OR56A3: variants seen among roughly 807,000 people sequenced by gnomAD.
OR56A3 encodes the protein olfactory receptor family 56 subfamily A member 3.
Under a neutral mutation model 17.5 loss-of-function variants are expected in OR56A3, and 23 were observed. The observed-to-expected ratio is 1.32, with a 90% CI of 0.95 to 1.87. The LOEUF (loss-of-function observed/expected upper bound fraction) is 1.87. Ranked by LOEUF, OR56A3 falls within the 40% of genes most tolerant of loss-of-function variation. The probability of loss-of-function intolerance (pLI) is 0.00; values close to 1 mark genes in which losing one functional copy is unlikely to be tolerated. For missense variants in OR56A3, 366 were observed against 380.1 expected (o/e 0.96, Z 0.31); for synonymous variants, 175 against 150.6 (o/e 1.16, Z -1.19).
At chr11:5,978,652 C>A in the OR56A3 span, among the ~76,000 whole-genome samples, 1 of 151,806 alleles carries the variant, frequency 6.6e-6, no homozygotes, top group Non-Finnish European at 1.5e-5. Flanking sequence ...AGAATGGTAT[C>A]TTCTGTGAAG....
chr11:5,948,073 A>C lies in OR56A3; in HGVS notation c.727A>C (p.Ser243Arg), dbSNP rs1248629334. Residue 243 changes from serine to arginine, a missense_variant, in exon 3 of 3, where the codon AGC becomes CGC. By Grantham distance (110) the Ser-to-Arg change is moderately radical. Coordinates refer to ENST00000641160, the MANE Select transcript of OR56A3 (RefSeq NM_001003443.3). ...KAEGAVAKAL[S>R]TCGSHFMLIL... Reference sequence around the variant, plus strand: ...AGAGGGTGCCGTGGCAAAGGCCCTAAGCACATGTGGCTCCCACTTCATGCT... The same window carrying C: ...AGAGGGTGCCGTGGCAAAGGCCCTACGCACATGTGGCTCCCACTTCATGCT... The C allele has an allele frequency of 6.2e-7, 1 of 1,614,218 alleles. No individual in the cohort carries two copies. Among genetic ancestry groups the C allele is most frequent in the Non-Finnish European group, 8.5e-7 (1 of 1,180,044 alleles).
chr11:5,985,973 G>A, the OR56A3 span: 148 of 1,610,950 alleles, frequency 9.2e-5, no homozygotes, highest in Middle Eastern at 3.3e-4. Context: ...CTGAGCACTC[G>A]CTGGCGGATC....
At chr11:5,970,616 T>C in the OR56A3 span, among the ~76,000 whole-genome samples, 1 of 151,560 alleles carries the variant, frequency 6.6e-6, no homozygotes, top group African/African-American at 2.4e-5. Context: ...GATTTTTTTT[T>C]ACAAAAAGCA....
the OR56A3 span, among the ~76,000 whole-genome samples, chr11:5,989,134 A>G: frequency 9.5e-4 from 144 of 152,344 alleles, 1 homozygote; most frequent in East Asian, 0.019. Context: ...AATAACAATG[A>G]CATTTTTATT....
chr11:6,021,921 C>T, the OR56A3 span: 1 of 152,084 alleles, frequency 6.6e-6, no homozygotes, highest in African/African-American at 2.4e-5. Context: ...ACTTCATTTC[C>T]AGTTGGAAAT....
At chr11:5,945,601 A>G (rs6578710) in intron 2 of OR56A3, among the ~76,000 whole-genome samples, 84,090 of 137,010 alleles carry the variant, frequency 0.61, 26,345 homozygotes, top group East Asian at 0.69. Flanking sequence ...AAAAAAAAAA[A>G]AATTATTTCT....
the OR56A3 span, among the ~76,000 whole-genome samples, chr11:5,969,698 A>G: frequency 2.6e-5 from 4 of 152,186 alleles, no homozygotes; most frequent in Non-Finnish European, 5.9e-5. Context: ...CCTCATTTGG[A>G]TAAAGACCAT....
chr11:5,961,937 G>T, the OR56A3 span, among the ~76,000 whole-genome samples: 1 of 152,104 alleles, frequency 6.6e-6, no homozygotes, highest in African/African-American at 2.4e-5. Flanking sequence ...TATTAGTAAA[G>T]AGAAGGGGTG....
the OR56A3 span, among the ~76,000 whole-genome samples, chr11:5,997,560 G>A: frequency 6.6e-6 from 1 of 152,152 alleles, no homozygotes; most frequent in Non-Finnish European, 1.5e-5. Flanking sequence ...CTTCAGGGAG[G>A]CATGGGTAGA....
At chr11:5,989,363 A>G in the OR56A3 span, among the ~76,000 whole-genome samples, 5 of 152,354 alleles carry the variant, frequency 3.3e-5, no homozygotes, top group East Asian at 9.6e-4. Flanking sequence ...CAGTGAGGCT[A>G]AAACCAAACT....
chr11:6,010,462 T>C, the OR56A3 span, among the ~76,000 whole-genome samples: 2 of 152,202 alleles, frequency 1.3e-5, no homozygotes, highest in South Asian at 2.1e-4. Context: ...AGTGCTTTTA[T>C]AAAAGAGCTA....
chr11:5,976,785 C>T, the OR56A3 span, among the ~76,000 whole-genome samples: 3 of 151,864 alleles, frequency 2.0e-5, no homozygotes, highest in Admixed American at 6.6e-5. Flanking sequence ...AATTTCATGT[C>T]GTAGGGGTTT....
At chr11:6,005,954 G>A in the OR56A3 span, among the ~76,000 whole-genome samples, 17 of 152,206 alleles carry the variant, frequency 1.1e-4, 1 homozygote, top group Middle Eastern at 9.5e-3. Context: ...AAGGCGAATC[G>A]TGGAAGGTAG....
chr11:6,004,282 G>A, the OR56A3 span, among the ~76,000 whole-genome samples: 1 of 152,068 alleles, frequency 6.6e-6, no homozygotes, highest in Admixed American at 6.6e-5. Context: ...CAGACCTGGG[G>A]GGCGGAGGTT....
the OR56A3 span, among the ~76,000 whole-genome samples, chr11:5,958,060 T>A: frequency 3.3e-5 from 5 of 152,188 alleles, no homozygotes; most frequent in Admixed American, 1.3e-4. Flanking sequence ...GATAATGACA[T>A]GACAAATTGT....
At chr11:6,006,072 G>A in the OR56A3 span, among the ~76,000 whole-genome samples, 1 of 152,166 alleles carries the variant, frequency 6.6e-6, no homozygotes, top group Non-Finnish European at 1.5e-5. Flanking sequence ...GAGGGGTGAG[G>A]AGGGCTACAA....
At chr11:5,967,944 T>G in the OR56A3 span, 5 of 1,595,198 alleles carry the variant, frequency 3.1e-6, no homozygotes, top group South Asian at 2.3e-5. Flanking sequence ...CACAGACACG[T>G]TAGTACAGAT....
downstream of OR56A3, among the ~76,000 whole-genome samples, chr11:5,955,154 G>A (rs1847926126): frequency 6.6e-6 from 1 of 152,064 alleles, no homozygotes. Flanking sequence ...GAATACCTGG[G>A]GCATTCAGTA....
the OR56A3 span, among the ~76,000 whole-genome samples, chr11:6,014,479 A>G: frequency 0.71 from 107,256 of 152,004 alleles, 38,104 homozygotes; most frequent in East Asian, 0.94. Flanking sequence ...TAAGATACCT[A>G]CTCCTTCTTT....
Sources: allele counts gnomAD v4.1 joint callset (sites outside exome capture counted in the v4.1 genomes callset), GRCh38; gene constraint gnomAD v4.1.1; transcripts MANE v1.5; gene names NCBI Gene and HGNC (gene_info 2026-07-23, HGNC 2026-07-21).